The following CBLB variants were observed in gnomAD, a reference collection of about 807,000 sequenced individuals.
CBLB encodes the protein Cbl proto-oncogene B, also known as E3 ubiquitin-protein ligase CBL-B.
In CBLB, 31 loss-of-function variants were observed where a neutral mutation model predicts 104.9. That is an observed-to-expected ratio of 0.30 (90% confidence interval 0.22 to 0.40). CBLB has a LOEUF of 0.40. Ranked by LOEUF, CBLB falls within the 10% of genes least tolerant of loss-of-function variation. The pLI is 1.00. For synonymous variants in CBLB, 440 were observed against 422.6 expected (o/e 1.04, Z -0.51); for missense variants, 1,062 against 1,214.6 (o/e 0.87, Z 1.87).
chr3:105,708,024 G>A (rs1005341731), intron 10 of CBLB, among the ~76,000 whole-genome samples: 8 of 151,972 alleles, frequency 5.3e-5, no homozygotes, highest in Non-Finnish European at 1.0e-4. Context: ...TAATCACCAG[G>A]TAATTCAAAT....
In CBLB at chr3:105,712,003, G is replaced by A. The variant is rs184137171; in HGVS notation, c.1408-7830C>T. The stretch of plus-strand genomic sequence containing the variant: ...CAGAGAAGTGGTCAATAAAGTTGCC[G>A]ACAGGTCTCCTTTAAAGTAGTGCAG... On this transcript the variant is annotated intron_variant, in intron 10 of 18. Transcript: ENST00000394030. Among the ~76,000 whole-genome samples, 262 of 152,160 alleles carry A rather than the reference G, an allele frequency of 1.7e-3. 1 individual carries two copies. The highest frequency in any genetic ancestry group is 4.6e-3 in the African/African-American group (193 of 41,552).
chr3:105,853,355 T>C, intron 3 of CBLB, 59 bp downstream of exon 3: 2 of 1,572,348 alleles, frequency 1.3e-6, no homozygotes, highest in Admixed American at 1.7e-5. Flanking sequence ...AGGTTAACTA[T>C]TAAGTAAAAA....
chr3:105,679,758 G>A (rs958698716), intron 16 of CBLB, among the ~76,000 whole-genome samples: 1 of 115,132 alleles, frequency 8.7e-6, no homozygotes, highest in Non-Finnish European at 1.8e-5. Context: ...CCTGGTGACA[G>A]AGAAAGACTG....
chr3:105,740,421 G>A (rs1007539283), intron 7 of CBLB, 73 bp downstream of exon 7: 29 of 1,502,744 alleles, frequency 1.9e-5, no homozygotes, highest in African/African-American at 1.2e-4. Context: ...ATCCATTTTC[G>A]CCATCACAAA....
intron 4 of CBLB, among the ~76,000 whole-genome samples, chr3:105,765,554 C>G (rs1291751050): frequency 6.6e-6 from 1 of 152,090 alleles, no homozygotes; most frequent in Non-Finnish European, 1.5e-5. Context: ...CAGGCTGACT[C>G]TTGTTAGTGG....
At chr3:105,670,504 T>G in intron 17 of CBLB, 152 bp from the exon 18 acceptor site, 2 of 635,318 alleles carry the variant, frequency 3.1e-6, no homozygotes, top group Non-Finnish European at 5.4e-6. Context: ...TTTTACTGCC[T>G]GCATATTTTC....
At chr3:105,681,046 A>T (rs539929431) in intron 16 of CBLB, 2 of 181,710 alleles carry the variant, frequency 1.1e-5, no homozygotes, top group South Asian at 2.7e-4. Flanking sequence ...ATTTATTATC[A>T]GTTCTCTACA....
intron 9 of CBLB, among the ~76,000 whole-genome samples, chr3:105,729,959 A>G (rs1374810039): frequency 6.6e-6 from 1 of 152,150 alleles, no homozygotes; most frequent in East Asian, 1.9e-4. Flanking sequence ...CTGTATCTAA[A>G]TGTAAAAATA....
At chr3:105,801,734 A>C (rs1044695125) in intron 3 of CBLB, among the ~76,000 whole-genome samples, 2 of 152,236 alleles carry the variant, frequency 1.3e-5, no homozygotes, top group African/African-American at 4.8e-5. Context: ...TTACAATTCT[A>C]AGCTAGCCTA....
At chr3:105,830,595 T>C (rs1401254005) in intron 3 of CBLB, among the ~76,000 whole-genome samples, 7 of 152,200 alleles carry the variant, frequency 4.6e-5, no homozygotes, top group Non-Finnish European at 7.3e-5. Flanking sequence ...TTGTTTCCAA[T>C]AAATAAGTAA....
chr3:105,817,740 T>G (rs1201825151), intron 3 of CBLB, among the ~76,000 whole-genome samples: 2 of 152,110 alleles, frequency 1.3e-5, no homozygotes, highest in African/African-American at 4.8e-5. Flanking sequence ...ATGCCACTAG[T>G]CTGGCAATAA....
chr3:105,791,000 G>A (rs930101030), intron 3 of CBLB, among the ~76,000 whole-genome samples: 4 of 152,118 alleles, frequency 2.6e-5, no homozygotes, highest in Admixed American at 6.5e-5. Context: ...TGCATGAGTG[G>A]GGAGTTCAAA....
At chr3:105,829,558 C>G (rs887335385) in intron 3 of CBLB, among the ~76,000 whole-genome samples, 3 of 150,420 alleles carry the variant, frequency 2.0e-5, no homozygotes, top group African/African-American at 7.3e-5. Flanking sequence ...ACTTGGGAGC[C>G]TACTTGGAGA....
intron 3 of CBLB, among the ~76,000 whole-genome samples, chr3:105,813,261 A>C (rs948817121): frequency 4.6e-5 from 7 of 152,160 alleles, no homozygotes; most frequent in Admixed American, 4.6e-4. Context: ...GATCAAACAA[A>C]ACATGGGGCT....
intron 18 of CBLB, among the ~76,000 whole-genome samples, chr3:105,660,738 G>A (rs1030993728): frequency 6.6e-6 from 1 of 152,100 alleles, no homozygotes; most frequent in Non-Finnish European, 1.5e-5. Flanking sequence ...AGGAGATACT[G>A]TAAGCTGATA....
At chr3:105,722,431 C>T (rs2073015520) in intron 9 of CBLB, among the ~76,000 whole-genome samples, 1 of 151,994 alleles carries the variant, frequency 6.6e-6, no homozygotes, top group Admixed American at 6.6e-5. Flanking sequence ...TCAATTCATC[C>T]CCAGTCCAGT....
At chr3:105,737,133 T>C (rs1172482304) in intron 8 of CBLB, 38 bp downstream of exon 8, 2 of 1,041,974 alleles carry the variant, frequency 1.9e-6, no homozygotes, top group East Asian at 2.4e-5. Flanking sequence ...GCATTATGGA[T>C]ACTTATTTAA....
At chr3:105,781,480 C>T (rs1417275761) in intron 3 of CBLB, among the ~76,000 whole-genome samples, 1 of 152,128 alleles carries the variant, frequency 6.6e-6, no homozygotes, top group East Asian at 1.9e-4. Context: ...ATGAAGAGAT[C>T]ATCATAATAC....
chr3:105,714,422 G>T (rs2071541914), intron 10 of CBLB, among the ~76,000 whole-genome samples: 1 of 152,122 alleles, frequency 6.6e-6, no homozygotes, highest in Admixed American at 6.6e-5. Flanking sequence ...ATCAGTGGGA[G>T]CCCTGAGCTT....
Sources: allele counts gnomAD v4.1 joint callset (sites outside exome capture counted in the v4.1 genomes callset), GRCh38; gene constraint gnomAD v4.1.1; transcripts MANE v1.5; gene names NCBI Gene and HGNC (gene_info 2026-07-23, HGNC 2026-07-21).